Variants in ASTN2 observed in about 807,000 individuals in gnomAD.
The protein encoded by ASTN2 is astrotactin 2.
Under a neutral mutation model 139.8 loss-of-function variants are expected in ASTN2, and 54 were observed. The ratio of observed to expected loss-of-function variants is 0.39; its 90% confidence interval spans 0.31 to 0.48. The LOEUF (loss-of-function observed/expected upper bound fraction) is 0.48, where lower values mean the gene tolerates loss of function less well. ASTN2 is among the 20% of genes least tolerant of loss of function. ASTN2 has a pLI of 0.95. For missense variants in ASTN2, 1,565 were observed against 1,725.1 expected (o/e 0.91, Z 1.64); for synonymous variants, 756 against 719.5 (o/e 1.05, Z -0.81).
intron 19 of ASTN2, among the ~76,000 whole-genome samples, chr9:116,614,227 A>C (rs534430495): frequency 6.6e-6 from 1 of 152,338 alleles, no homozygotes; most frequent in African/African-American, 2.4e-5. Context: ...AAAAGAGGAC[A>C]CAAACAAATG....
At chr9:116,829,162 A>G (rs947929982) in intron 11 of ASTN2, among the ~76,000 whole-genome samples, 1 of 151,970 alleles carries the variant, frequency 6.6e-6, no homozygotes, top group African/African-American at 2.4e-5. Flanking sequence ...AAAAAATCCT[A>G]AAATTCATCT....
chr9:117,305,287 G>T (rs1007421012), intron 1 of ASTN2, among the ~76,000 whole-genome samples: 2 of 152,114 alleles, frequency 1.3e-5, no homozygotes, highest in African/African-American at 4.8e-5. Context: ...GGCAGTAAAA[G>T]GAAAAATTCA....
chr9:117,291,591 A>T (rs1834595661), intron 1 of ASTN2, 78 bp from the exon 2 acceptor site: 2 of 1,373,528 alleles, frequency 1.5e-6, no homozygotes, highest in South Asian at 2.8e-5. Context: ...AGCCCACATA[A>T]TCAGGAGCTC....
At chr9:117,082,639 T>C (rs1165511148) in intron 5 of ASTN2, among the ~76,000 whole-genome samples, 1 of 152,040 alleles carries the variant, frequency 6.6e-6, no homozygotes, top group Non-Finnish European at 1.5e-5. Context: ...CCATCCCTAC[T>C]AAAAACACAA....
intron 4 of ASTN2, among the ~76,000 whole-genome samples, chr9:117,097,122 G>T (rs1367237406): frequency 6.6e-6 from 1 of 152,206 alleles, no homozygotes; most frequent in Admixed American, 6.5e-5. Context: ...AGGAGGCTCA[G>T]TGACCACCTA....
At chr9:116,437,451 GAC>G in intron 22 of ASTN2, 1 of 471,392 alleles carries the variant, frequency 2.1e-6, no homozygotes, top group Non-Finnish European at 4.4e-6. Context: ...GAGGTTCGCA[GAC>G]AGTGGCTGGT....
chr9:117,335,263 G>C (rs1158900511), intron 1 of ASTN2, among the ~76,000 whole-genome samples: 1 of 152,134 alleles, frequency 6.6e-6, no homozygotes, highest in Non-Finnish European at 1.5e-5. Context: ...ATGCTGCCTG[G>C]AACATAGTAC....
At chr9:116,769,614 A>G (rs1829903258) in intron 13 of ASTN2, among the ~76,000 whole-genome samples, 1 of 152,216 alleles carries the variant, frequency 6.6e-6, no homozygotes, top group Non-Finnish European at 1.5e-5. Context: ...TGGGGTAAGT[A>G]TTAGGCAGGA....
chr9:116,603,445 T>C (rs1855016969), intron 19 of ASTN2, among the ~76,000 whole-genome samples: 1 of 152,020 alleles, frequency 6.6e-6, no homozygotes, highest in Non-Finnish European at 1.5e-5. Flanking sequence ...AATGGAGAAA[T>C]GGTCACTGGA....
At chr9:117,199,639 T>C (rs1005656595) in intron 3 of ASTN2, among the ~76,000 whole-genome samples, 2 of 118,616 alleles carry the variant, frequency 1.7e-5, no homozygotes, top group Non-Finnish European at 2.0e-5. Context: ...AAATTTAAAG[T>C]AGTTTTTTTT....
intron 5 of ASTN2, 140 bp from the exon 6 acceptor site, chr9:117,040,105 C>T (rs1838512212): frequency 2.9e-6 from 3 of 1,038,942 alleles, no homozygotes; most frequent in Middle Eastern, 2.2e-4. Context: ...GTTTTCTAAC[C>T]TTTGTGCCTG....
At chr9:116,933,808 T>A (rs758532857) in intron 10 of ASTN2, among the ~76,000 whole-genome samples, 2 of 151,856 alleles carry the variant, frequency 1.3e-5, no homozygotes, top group Admixed American at 6.6e-5. Context: ...GACAGGATGA[T>A]GTGGATGGCC....
intron 13 of ASTN2, among the ~76,000 whole-genome samples, chr9:116,770,385 C>A (rs944499897): frequency 6.6e-6 from 1 of 152,168 alleles, no homozygotes; most frequent in Admixed American, 6.6e-5. Context: ...GCAACAGCAG[C>A]TACCAGTTGC....
At chr9:116,533,296 T>C (rs977512044) in intron 19 of ASTN2, among the ~76,000 whole-genome samples, 4 of 152,200 alleles carry the variant, frequency 2.6e-5, no homozygotes, top group Non-Finnish European at 4.4e-5. Context: ...TACAATCATG[T>C]CATCTGCAAA....
intron 2 of ASTN2, among the ~76,000 whole-genome samples, chr9:117,217,297 A>C (rs1832356027): frequency 6.6e-6 from 1 of 152,046 alleles, no homozygotes; most frequent in Non-Finnish European, 1.5e-5. Context: ...CTGTCTTCTC[A>C]ACTTTGGGCA....
chr9:117,350,021 C>G (rs1178888369), intron 1 of ASTN2, among the ~76,000 whole-genome samples: 1 of 152,164 alleles, frequency 6.6e-6, no homozygotes, highest in Non-Finnish European at 1.5e-5. Flanking sequence ...GTATAGTTAA[C>G]AGCAACATAC....
intron 13 of ASTN2, among the ~76,000 whole-genome samples, chr9:116,769,501 C>A (rs904675471): frequency 6.6e-6 from 1 of 152,030 alleles, no homozygotes; most frequent in Non-Finnish European, 1.5e-5. Flanking sequence ...TTTGGAGAGA[C>A]AAACACTTAT....
chr9:116,844,612 A>C (rs1027689725), intron 11 of ASTN2, among the ~76,000 whole-genome samples: 5 of 152,280 alleles, frequency 3.3e-5, no homozygotes, highest in South Asian at 2.1e-4. Flanking sequence ...AAAAAAAAAA[A>C]CAAAAAGTTA....
chr9:116,790,982 A>AGAAAAGAAAGAAG (rs1830526271), intron 13 of ASTN2, among the ~76,000 whole-genome samples: 7 of 86,548 alleles, frequency 8.1e-5, no homozygotes, highest in Non-Finnish European at 1.2e-4. Flanking sequence ...AAAGAAAGAA[A>AGAAAAGAAAGAAG]GAAAGAAAGA....
Sources: gnomAD v4.1 joint callset for allele counts (sites outside exome capture counted in the v4.1 genomes callset) on GRCh38, gnomAD v4.1.1 for gene constraint, MANE v1.5 for transcripts, NCBI Gene and HGNC (gene_info 2026-07-23, HGNC 2026-07-21) for gene names.